The following FSAF1 variants were observed in gnomAD, a reference collection of about 807,000 sequenced individuals.
FSAF1 encodes uncharacterized protein C1orf131.
chr1:231,232,402 G>A, the FSAF1 span, among the ~76,000 whole-genome samples: 1 of 152,108 alleles, frequency 6.6e-6, no homozygotes, highest in Non-Finnish European at 1.5e-5. Flanking sequence ...CCCCTTAAGA[G>A]CCCTTCATTA....
the FSAF1 span, among the ~76,000 whole-genome samples, chr1:231,235,315 G>A: frequency 6.6e-6 from 1 of 152,166 alleles, no homozygotes; most frequent in Non-Finnish European, 1.5e-5. Flanking sequence ...TGGCCAACAT[G>A]GTGAAACCCC....
chr1:231,224,425 A>G, the FSAF1 span: 1 of 1,600,886 alleles, frequency 6.2e-7, no homozygotes, highest in Non-Finnish European at 8.5e-7. Flanking sequence ...CTACATTTAA[A>G]GTAAGAGAAA....
At chr1:231,224,437 G>A in the FSAF1 span, 2 of 1,592,476 alleles carry the variant, frequency 1.3e-6, no homozygotes, top group Non-Finnish European at 8.5e-7. Context: ...TAAGAGAAAG[G>A]TACTATAAAT....
At chr1:231,225,469 A>C in the FSAF1 span, 2 of 1,613,472 alleles carry the variant, frequency 1.2e-6, no homozygotes, top group South Asian at 1.1e-5. Context: ...AAAATCACTC[A>C]CCTGTCCTCC....
At chr1:231,236,737 G>A in the FSAF1 span, 1 of 152,192 alleles carries the variant, frequency 6.6e-6, no homozygotes, top group Non-Finnish European at 1.5e-5. Context: ...GTCTTCAAAT[G>A]CTGAATTATA....
the FSAF1 span, chr1:231,239,294 T>C: frequency 3.4e-6 from 3 of 885,752 alleles, no homozygotes; most frequent in Admixed American, 9.4e-5. Flanking sequence ...TATATGCACC[T>C]AGAAGCACAC....
the FSAF1 span, among the ~76,000 whole-genome samples, chr1:231,233,034 A>G: frequency 6.6e-6 from 1 of 152,220 alleles, no homozygotes; most frequent in African/African-American, 2.4e-5. Flanking sequence ...CTACTCAGGA[A>G]CAGGAAGTCT....
the FSAF1 span, chr1:231,223,859 T>TA: frequency 6.5e-6 from 1 of 154,174 alleles, no homozygotes; most frequent in Non-Finnish European, 1.4e-5. Flanking sequence ...ACAAAACTGA[T>TA]AAATTACTAG....
the FSAF1 span, among the ~76,000 whole-genome samples, chr1:231,228,532 G>A: frequency 1.2e-3 from 182 of 151,494 alleles, no homozygotes; most frequent in African/African-American, 4.2e-3. Context: ...TCAGGAGCTG[G>A]AGGCTGCAGT....
the FSAF1 span, among the ~76,000 whole-genome samples, chr1:231,233,312 G>C: frequency 1.3e-5 from 2 of 152,196 alleles, no homozygotes; most frequent in Non-Finnish European, 2.9e-5. Flanking sequence ...GTTGAAGCCA[G>C]AAAGCCTGGG....
At chr1:231,228,782 T>A in the FSAF1 span, among the ~76,000 whole-genome samples, 1 of 152,126 alleles carries the variant, frequency 6.6e-6, no homozygotes, top group African/African-American at 2.4e-5. Flanking sequence ...AGGTCAGTAG[T>A]TCGAGACCAG....
At chr1:231,240,669 G>C in the FSAF1 span, among the ~76,000 whole-genome samples, 1 of 152,122 alleles carries the variant, frequency 6.6e-6, no homozygotes, top group Non-Finnish European at 1.5e-5. This position sits in a 1 kb window ranked among gnomAD's most constrained non-coding sequence, Gnocchi z 4.1. Flanking sequence ...ATCGCACCAG[G>C]GTCAGGCAGG....
the FSAF1 span, chr1:231,224,213 C>T: frequency 6.6e-7 from 1 of 1,521,206 alleles, no homozygotes; most frequent in Admixed American, 2.2e-5. Context: ...TCTAGAGTCG[C>T]ACAGGGTCCA....
At chr1:231,237,514 C>T in the FSAF1 span, 1 of 152,222 alleles carries the variant, frequency 6.6e-6, no homozygotes, top group South Asian at 2.1e-4. Context: ...ACATGAGACT[C>T]AGGGACACAG....
At chr1:231,225,490 T>A in the FSAF1 span, 16 of 1,613,780 alleles carry the variant, frequency 9.9e-6, no homozygotes, top group African/African-American at 1.6e-4. Flanking sequence ...TGTCCTTTCC[T>A]CTTCTTTTTC....
chr1:231,225,714 C>A, the FSAF1 span: 21 of 606,356 alleles, frequency 3.5e-5, no homozygotes, highest in Admixed American at 5.4e-5. Flanking sequence ...CTGGGCCTGG[C>A]GTGGTGGCTC....
chr1:231,228,532 GA>G, the FSAF1 span, among the ~76,000 whole-genome samples: 1 of 151,376 alleles, frequency 6.6e-6, no homozygotes, highest in Admixed American at 6.6e-5. Context: ...TCAGGAGCTG[GA>G]GGCTGCAGTG....
At chr1:231,224,064 C>A in the FSAF1 span, 2 of 449,460 alleles carry the variant, frequency 4.4e-6, no homozygotes, top group Non-Finnish European at 7.6e-6. Context: ...AGTGGGTTCA[C>A]TTCACATTCA....
chr1:231,227,878 C>A, the FSAF1 span, among the ~76,000 whole-genome samples: 2 of 152,110 alleles, frequency 1.3e-5, no homozygotes, highest in Non-Finnish European at 2.9e-5. Flanking sequence ...CATGAGCCAC[C>A]GCGCCCCGCC....
Sources: allele counts gnomAD v4.1 joint callset (sites outside exome capture counted in the v4.1 genomes callset), GRCh38; gene constraint gnomAD v4.1.1; non-coding constraint Gnocchi (gnomAD v3.1); transcripts MANE v1.5; gene names NCBI Gene and HGNC (gene_info 2026-07-23, HGNC 2026-07-21).